The following ACTR3C variants were observed in gnomAD, a reference collection of about 807,000 sequenced individuals.
ACTR3C encodes actin related protein 3C.
In ACTR3C, 18 loss-of-function variants were observed where a neutral mutation model predicts 26.3. The ratio of observed to expected loss-of-function variants is 0.68; its 90% confidence interval spans 0.47 to 1.01. The LOEUF is 1.01. Ranked by LOEUF, ACTR3C falls within the 50% of genes least tolerant of loss-of-function variation. The probability of loss-of-function intolerance (pLI) is 0.00; values close to 1 mark genes in which losing one functional copy is unlikely to be tolerated. For missense variants in ACTR3C, 184 were observed against 250.7 expected (o/e 0.73, Z 1.80); for synonymous variants, 55 against 94.5 (o/e 0.58, Z 2.42).
At chr7:150,097,826 T>A in the ACTR3C span, among the ~76,000 whole-genome samples, 1 of 151,452 alleles carries the variant, frequency 6.6e-6, no homozygotes, top group African/African-American at 2.4e-5. Context: ...TTAGAAAGTG[T>A]GTTACCAACT....
chr7:150,042,390 A>C, the ACTR3C span, among the ~76,000 whole-genome samples: 1 of 134,116 alleles, frequency 7.5e-6, no homozygotes, highest in Non-Finnish European at 1.6e-5. Flanking sequence ...AAAGGGGGGA[A>C]GAGGGGCTCG....
the ACTR3C span, among the ~76,000 whole-genome samples, chr7:150,079,047 C>T: frequency 6.6e-6 from 1 of 152,184 alleles, no homozygotes; most frequent in African/African-American, 2.4e-5. Context: ...CCCACATACA[C>T]AGGGGATAAC....
intron 6 of ACTR3C, among the ~76,000 whole-genome samples, chr7:150,254,196 T>C (rs1833046961): frequency 6.6e-6 from 1 of 152,114 alleles, no homozygotes; most frequent in South Asian, 2.1e-4. Context: ...ATACCCCATA[T>C]TGATGAGAGT....
intron 6 of ACTR3C, among the ~76,000 whole-genome samples, chr7:150,249,311 C>A (rs1272724225): frequency 1.3e-5 from 2 of 152,140 alleles, no homozygotes; most frequent in Non-Finnish European, 2.9e-5. Flanking sequence ...CACTTCTATA[C>A]CCACAGAAAT....
At chr7:150,017,207 C>A in the ACTR3C span, among the ~76,000 whole-genome samples, 1 of 151,730 alleles carries the variant, frequency 6.6e-6, no homozygotes, top group Non-Finnish European at 1.5e-5. Context: ...GCAAAGTGAC[C>A]TTTTTCATAA....
the ACTR3C span, among the ~76,000 whole-genome samples, chr7:150,063,345 G>A: frequency 0.65 from 97,165 of 150,334 alleles, 32,856 homozygotes; most frequent in East Asian, 0.77. Flanking sequence ...TGAGGTCCTG[G>A]GAAATGTCTG....
the ACTR3C span, among the ~76,000 whole-genome samples, chr7:150,037,363 C>CA: frequency 4.1e-5 from 2 of 49,210 alleles, no homozygotes; most frequent in Admixed American, 2.1e-4. Flanking sequence ...TCTCAGTCCC[C>CA]GCCTCGCGGG....
At chr7:150,070,957 A>G in the ACTR3C span, among the ~76,000 whole-genome samples, 208 of 116,046 alleles carry the variant, frequency 1.8e-3, no homozygotes, top group Middle Eastern at 0.014. Flanking sequence ...ACCATGCCCA[A>G]CTAATTTTTT....
the ACTR3C span, among the ~76,000 whole-genome samples, chr7:150,197,911 G>T: frequency 2.7e-5 from 4 of 148,048 alleles, no homozygotes; most frequent in Non-Finnish European, 6.0e-5. Flanking sequence ...CGGAGCCGAA[G>T]CTGGACTGTA....
chr7:150,108,601 G>A, the ACTR3C span, among the ~76,000 whole-genome samples: 1 of 148,408 alleles, frequency 6.7e-6, no homozygotes, highest in African/African-American at 2.5e-5. Context: ...CAAATCATGA[G>A]GCTCCACCCT....
chr7:150,038,575 C>T, the ACTR3C span, among the ~76,000 whole-genome samples: 1 of 145,480 alleles, frequency 6.9e-6, no homozygotes, highest in Non-Finnish European at 1.5e-5. Flanking sequence ...GCCTTCTGCC[C>T]TTAAGCTCCG....
chr7:150,037,078 C>G, the ACTR3C span, among the ~76,000 whole-genome samples: 2 of 113,922 alleles, frequency 1.8e-5, no homozygotes, highest in African/African-American at 3.0e-5. Flanking sequence ...GGGTGCCTCC[C>G]CCTCGTGCGA....
At chr7:150,176,247 G>A in the ACTR3C span, among the ~76,000 whole-genome samples, 4 of 150,752 alleles carry the variant, frequency 2.7e-5, no homozygotes. Context: ...CAAACCACAT[G>A]ATTTCTCTTT....
At chr7:150,172,140 G>A in the ACTR3C span, among the ~76,000 whole-genome samples, 1 of 150,726 alleles carries the variant, frequency 6.6e-6, no homozygotes, top group Non-Finnish European at 1.5e-5. Flanking sequence ...GGTAATAAGA[G>A]ACTATTAAGA....
rs546736749 is a variant in ACTR3C at position 150,257,485 on chromosome 7, G to C, written c.565-8431C>G. 8.5e-5 allele frequency among the ~76,000 whole-genome samples: 13 copies of C among 152,316 alleles called. No individual in the cohort carries two copies. In the East Asian group the frequency reaches 1.9e-3, roughly 23 times the overall value. The stretch of plus-strand genomic sequence containing the variant: ...TTCCTGCCAGGCCAATACCAAGAAG[G>C]AAATGCTAATATAGCCCAGTTTGGA... On this transcript the variant is annotated intron_variant, in intron 6 of 7. Coordinates refer to ENST00000683684, the MANE Select transcript of ACTR3C (RefSeq NM_001164458.2).
the ACTR3C span, among the ~76,000 whole-genome samples, chr7:150,170,035 G>A: frequency 4.7e-5 from 7 of 149,258 alleles, no homozygotes; most frequent in Non-Finnish European, 1.0e-4. Flanking sequence ...TCGAGGTGTG[G>A]TTTAGTTTTA....
At chr7:149,954,513 C>T in the ACTR3C span, among the ~76,000 whole-genome samples, 1 of 152,126 alleles carries the variant, frequency 6.6e-6, no homozygotes, top group African/African-American at 2.4e-5. Context: ...CACTGTATAT[C>T]TGCCCATTGA....
At chr7:150,040,358 A>G in the ACTR3C span, among the ~76,000 whole-genome samples, 323 of 145,878 alleles carry the variant, frequency 2.2e-3, 3 homozygotes, top group South Asian at 5.0e-3. Flanking sequence ...AGGCTTTGTC[A>G]GATCGGGTAG....
chr7:150,029,333 G>A, the ACTR3C span, among the ~76,000 whole-genome samples: 1 of 150,076 alleles, frequency 6.7e-6, no homozygotes, highest in Middle Eastern at 3.2e-3. Context: ...ACCGAGGTGG[G>A]AGGACTGCTT....
Sources: gnomAD v4.1 joint callset for allele counts (sites outside exome capture counted in the v4.1 genomes callset) on GRCh38, gnomAD v4.1.1 for gene constraint, MANE v1.5 for transcripts, NCBI Gene and HGNC (gene_info 2026-07-23, HGNC 2026-07-21) for gene names.